The following HYDIN variants were observed in gnomAD, a reference collection of about 807,000 sequenced individuals.
The protein encoded by HYDIN is HYDIN axonemal central pair apparatus protein.
HYDIN carries 132 observed loss-of-function variants against 403.9 expected under a neutral mutation model. That is an observed-to-expected ratio of 0.33 (90% confidence interval 0.28 to 0.38). The LOEUF (loss-of-function observed/expected upper bound fraction) is 0.38, where lower values mean the gene tolerates loss of function less well. HYDIN is among the 10% of genes least tolerant of loss of function. The probability of loss-of-function intolerance (pLI) is 1.00; values close to 1 mark genes in which losing one functional copy is unlikely to be tolerated. For missense variants in HYDIN, 2,827 were observed against 5,009.5 expected (o/e 0.56, Z 13.15); for synonymous variants, 1,202 against 1,891.7 (o/e 0.64, Z 9.46).
intron 1 of HYDIN, among the ~76,000 whole-genome samples, chr16:71,198,027 G>A (rs541659141): frequency 1.3e-5 from 2 of 152,334 alleles, no homozygotes; most frequent in Non-Finnish European, 1.5e-5. Context: ...GATTACAGGC[G>A]TGAGCCACAG....
chr16:70,818,949 CTG>C (rs1375482992), intron 83 of HYDIN, among the ~76,000 whole-genome samples: 3 of 152,156 alleles, frequency 2.0e-5, no homozygotes, highest in East Asian at 3.9e-4. Flanking sequence ...GAGTCTCACT[CTG>C]TTGCCCAGGC....
At chr16:71,178,476 T>C (rs1018284990) in intron 4 of HYDIN, among the ~76,000 whole-genome samples, 6 of 145,810 alleles carry the variant, frequency 4.1e-5, no homozygotes, top group Non-Finnish European at 7.5e-5. Flanking sequence ...CACACACACA[T>C]ACATATATAT....
intron 55 of HYDIN, chr16:70,893,426 G>C (rs1403095641): frequency 6.6e-6 from 1 of 152,170 alleles, no homozygotes; most frequent in East Asian, 1.9e-4. Context: ...GTGTGGCCCT[G>C]TCTGAGGGGT....
intron 8 of HYDIN, among the ~76,000 whole-genome samples, chr16:71,134,596 G>T (rs1289975186): frequency 6.6e-6 from 1 of 152,116 alleles, no homozygotes; most frequent in African/African-American, 2.4e-5. Flanking sequence ...CTGATGTGTG[G>T]CCTGGGACAC....
At chr16:71,208,127 C>T (rs572334567) in intron 1 of HYDIN, among the ~76,000 whole-genome samples, 1 of 152,274 alleles carries the variant, frequency 6.6e-6, no homozygotes, top group South Asian at 2.1e-4. Flanking sequence ...TTCTTTTCAT[C>T]ACCACATGGT....
At chr16:70,905,059 G>C (rs1457002361) in intron 50 of HYDIN, among the ~76,000 whole-genome samples, 5 of 152,166 alleles carry the variant, frequency 3.3e-5, no homozygotes, top group Admixed American at 6.5e-5. Flanking sequence ...CACATCATCA[G>C]AGGTCACGGC....
chr16:71,037,829 C>G (rs1289630692), intron 18 of HYDIN, among the ~76,000 whole-genome samples: 1 of 152,236 alleles, frequency 6.6e-6, no homozygotes, highest in Non-Finnish European at 1.5e-5. Context: ...ACCTTGATCT[C>G]AGCCTCTTGA....
intron 1 of HYDIN, among the ~76,000 whole-genome samples, chr16:71,211,380 C>T (rs1196127843): frequency 6.8e-6 from 1 of 147,512 alleles, no homozygotes; most frequent in African/African-American, 2.5e-5. Context: ...GTGACTCACA[C>T]CTGTAATCCC....
Position 70,992,146 on chromosome 16 carries a change from T to C in HYDIN, c.3709A>G (p.Thr1237Ala), listed in dbSNP as rs1287678459. The C allele has an allele frequency of 6.2e-7, 1 of 1,612,100 alleles. No individual in the cohort carries two copies. The highest frequency in any genetic ancestry group is 1.7e-5 in the Admixed American group (1 of 59,602). Reference sequence around the variant, plus strand: ...GCTGGTGGGCTGGCAGCCTCTGAGGTTGCTGGGATGGACTCCATCTGGGAC... The same window carrying C: ...GCTGGTGGGCTGGCAGCCTCTGAGGCTGCTGGGATGGACTCCATCTGGGAC... ...PVSQMESIPA[T>A]SEAASPPAIL... The change falls in exon 24 of 86, where the codon ACC becomes GCC. Residue 1237 changes from threonine to alanine, a missense_variant. By Grantham distance (58) the Thr-to-Ala change is moderately conservative. Coordinates refer to ENST00000393567, the MANE Select transcript of HYDIN (RefSeq NM_001270974.2).
chr16:70,877,147 T>C (rs1774317), intron 62 of HYDIN, among the ~76,000 whole-genome samples: 15,618 of 132,944 alleles, frequency 0.12, 2,178 homozygotes, highest in African/African-American at 0.35. Context: ...AGAAATTATG[T>C]AGAATGAAGC....
At position 70,860,006 on chromosome 16, in the gene HYDIN, T is replaced by C. The variant is rs561792673; in HGVS notation, c.12129+62A>G. 3.2e-5 allele frequency: 49 copies of C among 1,521,080 alleles called. No homozygotes were observed. The East Asian group carries it at 8.3e-4, about 26-fold the overall frequency. 94.2% of individuals were successfully genotyped at this position (1,521,080 alleles called of 1,614,324 possible). A position where few individuals can be genotyped will look rare whatever the true frequency, so the allele number is the denominator to read the frequency against. On this transcript the variant is annotated intron_variant, in intron 71 of 85. Coordinates refer to ENST00000393567, the MANE Select transcript of HYDIN (RefSeq NM_001270974.2). ...TCCACTTACTGTCTATGGCACACTT[T>C]CCACACAGCAATGGCTAGAGTGATC... is the stretch of plus-strand genomic sequence containing the variant.
At chr16:71,153,225 G>A (rs891583828) in intron 6 of HYDIN, among the ~76,000 whole-genome samples, 18 of 152,172 alleles carry the variant, frequency 1.2e-4, no homozygotes, top group Admixed American at 5.9e-4. Context: ...GATAAAAATC[G>A]AGTTTTGTGA....
At chr16:70,879,264 C>G in intron 62 of HYDIN, 33 bp downstream of exon 62, 1 of 1,270,914 alleles carries the variant, frequency 7.9e-7, no homozygotes, top group Non-Finnish European at 1.1e-6. Flanking sequence ...ATTCTTCTCC[C>G]TTTCAGCCTC....
chr16:71,115,247 A>G (rs1568176217), intron 10 of HYDIN, among the ~76,000 whole-genome samples: 2 of 152,084 alleles, frequency 1.3e-5, no homozygotes, highest in African/African-American at 4.8e-5. Context: ...TGGTTTTATA[A>G]GGGGCTCTTT....
chr16:71,049,481 T>A (rs1336865642), intron 18 of HYDIN, among the ~76,000 whole-genome samples: 6 of 152,142 alleles, frequency 3.9e-5, no homozygotes, highest in Non-Finnish European at 7.4e-5. Flanking sequence ...TCTGGATTAG[T>A]GGTCACTGTC....
chr16:71,098,487 C>T (rs113939785), intron 10 of HYDIN, among the ~76,000 whole-genome samples: 34 of 151,868 alleles, frequency 2.2e-4, no homozygotes, highest in African/African-American at 7.7e-4. Context: ...CAGGCGTGAG[C>T]CACCGCGCCC....
chr16:70,899,586 C>T (rs944765073), intron 53 of HYDIN, among the ~76,000 whole-genome samples: 11 of 152,070 alleles, frequency 7.2e-5, no homozygotes, highest in African/African-American at 1.4e-4. Context: ...TTTAGTCACC[C>T]AGTATATGCT....
intron 1 of HYDIN, among the ~76,000 whole-genome samples, chr16:71,222,692 C>A (rs1376563649): frequency 6.6e-6 from 1 of 152,048 alleles, no homozygotes; most frequent in Non-Finnish European, 1.5e-5. Flanking sequence ...CCAACAACAA[C>A]CATGCTGAGA....
intron 46 of HYDIN, among the ~76,000 whole-genome samples, 156 bp downstream of exon 46, chr16:70,920,435 T>C (rs1412450597): frequency 6.6e-6 from 1 of 151,924 alleles, no homozygotes; most frequent in East Asian, 1.9e-4. Context: ...GTAGAAAAGG[T>C]CCTTTAGTCA....
Sources: allele counts gnomAD v4.1 joint callset (sites outside exome capture counted in the v4.1 genomes callset), GRCh38; gene constraint gnomAD v4.1.1; transcripts MANE v1.5; gene names NCBI Gene and HGNC (gene_info 2026-07-23, HGNC 2026-07-21).